C10orf53: variants seen among roughly 807,000 people sequenced by gnomAD.
C10orf53 encodes the protein UPF0728 protein C10orf53.
A neutral mutation model predicts 9.4 loss-of-function variants in C10orf53; 8 were observed. The observed-to-expected ratio is 0.85, with a 90% CI of 0.50 to 1.53. C10orf53 has a LOEUF of 1.53. C10orf53 is among the 40% of genes most tolerant of loss of function. The pLI is 0.00. For missense variants in C10orf53, 117 were observed against 117.8 expected (o/e 0.99, Z 0.03); for synonymous variants, 48 against 46.0 (o/e 1.04, Z -0.18).
chr10:49,708,301 C>G (rs1031072943), intron 2 of C10orf53: 10 of 1,587,892 alleles, frequency 6.3e-6, no homozygotes, highest in Middle Eastern at 2.1e-4. Context: ...CAGTCGACAA[C>G]AGCAGGACTC....
chr10:49,689,430 C>T (rs901677766), intron 1 of C10orf53, among the ~76,000 whole-genome samples: 1 of 152,078 alleles, frequency 6.6e-6, no homozygotes, highest in Non-Finnish European at 1.5e-5. Context: ...GTAAATTGAA[C>T]TGTCACCTTT....
At position 49,694,978 on chromosome 10, in the gene C10orf53, T is replaced by C; in HGVS notation, c.*376T>C. 1 of 998,656 alleles carries C rather than the reference T, an allele frequency of 1.0e-6. No homozygotes were observed. The highest frequency in any genetic ancestry group is 1.2e-6 in the Non-Finnish European group (1 of 835,404). The allele number at this position is 998,656 out of a possible 1,614,324, so 61.9% of individuals were successfully genotyped here. On this transcript the variant is annotated 3_prime_UTR_variant, in exon 3 of 3. Transcript: ENST00000374111. ...TTCCATTGTTTAGTACTCAAAGTGC[T>C]CAGAACAGGTGAAATTAAAGAGAGG...
At position 49,697,053 on chromosome 10, in the gene C10orf53, C is replaced by T. The variant is rs1189459956; in HGVS notation, c.*2451C>T. ...ACAAAAAATACAAAAATTAGCCAGGCCTGGTGGCATGCACCTGTAGTCCCA... is the reference window on the plus strand; with the variant it reads ...ACAAAAAATACAAAAATTAGCCAGGTCTGGTGGCATGCACCTGTAGTCCCA... On this transcript the variant is annotated 3_prime_UTR_variant, in exon 3 of 3. Coordinates refer to ENST00000374111, the MANE Select transcript of C10orf53 (RefSeq NM_001042427.3). Among the ~76,000 whole-genome samples, 1 of 152,094 alleles carries T rather than the reference C, an allele frequency of 6.6e-6. No individual in the cohort carries two copies. Among genetic ancestry groups the T allele is most frequent in the Non-Finnish European group, 1.5e-5 (1 of 68,026 alleles).
intron 1 of C10orf53, among the ~76,000 whole-genome samples, chr10:49,691,470 C>G (rs2132880865): frequency 6.6e-6 from 1 of 152,328 alleles, no homozygotes; most frequent in African/African-American, 2.4e-5. Context: ...TAATTCTGGT[C>G]AGTGAGGAAG....
intron 1 of C10orf53, among the ~76,000 whole-genome samples, chr10:49,680,790 G>T (rs2132872582): frequency 6.6e-6 from 1 of 152,274 alleles, no homozygotes; most frequent in Admixed American, 6.5e-5. Flanking sequence ...GAGGTGGGAG[G>T]TAAGGGTAAA....
chr10:49,690,823 G>T (rs778572891), intron 1 of C10orf53, among the ~76,000 whole-genome samples: 14 of 152,198 alleles, frequency 9.2e-5, no homozygotes, highest in Non-Finnish European at 1.9e-4. Context: ...CCTTGCGCGG[G>T]GGTGTGTGTA....
intron 1 of C10orf53, among the ~76,000 whole-genome samples, chr10:49,693,270 C>CA (rs1412163632): frequency 6.6e-6 from 1 of 152,140 alleles, no homozygotes; most frequent in Non-Finnish European, 1.5e-5. Context: ...CATCTTGTTG[C>CA]AAAAATCTGC....
At chr10:49,682,400 T>G (rs896164977) in intron 1 of C10orf53, among the ~76,000 whole-genome samples, 5 of 152,058 alleles carry the variant, frequency 3.3e-5, no homozygotes, top group Admixed American at 1.3e-4. Flanking sequence ...GGGCTCGTGG[T>G]CTCGCTGACT....
downstream of C10orf53, among the ~76,000 whole-genome samples, chr10:49,699,410 G>C (rs919840694): frequency 1.3e-5 from 2 of 151,752 alleles, no homozygotes; most frequent in African/African-American, 4.8e-5. Flanking sequence ...ACCCAGGCTG[G>C]TCTCGAATTC....
At chr10:49,686,755 C>T (rs897142086) in intron 1 of C10orf53, among the ~76,000 whole-genome samples, 2 of 152,200 alleles carry the variant, frequency 1.3e-5, no homozygotes, top group Admixed American at 6.5e-5. Flanking sequence ...TGTCTGCTCT[C>T]GAACCCTGTT....
At chr10:49,706,226 C>T (rs7099212) in intron 2 of C10orf53, among the ~76,000 whole-genome samples, 69,280 of 152,096 alleles carry the variant, frequency 0.46, 16,193 homozygotes, top group Middle Eastern at 0.51. Flanking sequence ...CCCAGCAATT[C>T]TATTCCTAGT....
rs569124577 is a variant in C10orf53 at position 49,705,127 on chromosome 10, G to A, written c.218-3234G>A. 4.6e-4 allele frequency among the ~76,000 whole-genome samples: 70 copies of A among 152,306 alleles called. 3 individuals carry two copies. The South Asian group carries it at 0.014, about 30-fold the overall frequency. ...GACTTTTGGAGTACTGTTATGGAAA[G>A]CTCTCTAAAATATATTGCTAAGGTC... On this transcript the variant is annotated intron_variant, in intron 2 of 2. Coordinates refer to the C10orf53 transcript ENST00000374112.
chr10:49,702,476 A>T (rs1011799096), downstream of C10orf53, among the ~76,000 whole-genome samples: 13 of 152,270 alleles, frequency 8.5e-5, no homozygotes, highest in African/African-American at 3.1e-4. Context: ...TCCAAATCTG[A>T]ATAGAGTGAA....
chr10:49,706,808 C>T (rs2132893706), intron 2 of C10orf53, among the ~76,000 whole-genome samples: 1 of 152,318 alleles, frequency 6.6e-6, no homozygotes, highest in African/African-American at 2.4e-5. Flanking sequence ...GGCACTGATG[C>T]AGTGTTTACA....
intron 2 of C10orf53, among the ~76,000 whole-genome samples, chr10:49,706,415 A>C (rs2078372309): frequency 1.3e-5 from 2 of 152,214 alleles, no homozygotes; most frequent in African/African-American, 4.8e-5. Flanking sequence ...AAAGGAATGA[A>C]GTTCTGATAT....
At chr10:49,694,044 TGGCACAC>T in intron 2 of C10orf53, 151 bp downstream of exon 2, 1 of 1,072,904 alleles carries the variant, frequency 9.3e-7, no homozygotes, top group Non-Finnish European at 1.4e-6. Flanking sequence ...GTGCTTTCAG[TGGCACAC>T]ACAGGAGAGT....
intron 1 of C10orf53, among the ~76,000 whole-genome samples, chr10:49,681,939 T>G (rs902659045): frequency 7.9e-5 from 12 of 152,200 alleles, no homozygotes; most frequent in Non-Finnish European, 1.8e-4. Flanking sequence ...CTAGCAGTGT[T>G]GCATGGTGAT....
At chr10:49,697,576 C>T (rs934703680), downstream of C10orf53, among the ~76,000 whole-genome samples, 2 of 152,130 alleles carry the variant, frequency 1.3e-5, no homozygotes, top group South Asian at 2.1e-4. Flanking sequence ...GTTTTTGAGA[C>T]AGTCTTGCTC....
intron 1 of C10orf53, among the ~76,000 whole-genome samples, chr10:49,680,354 A>T (rs932430371): frequency 2.0e-5 from 3 of 152,190 alleles, no homozygotes; most frequent in Non-Finnish European, 4.4e-5. Context: ...ACTAGCCATA[A>T]TGGGAGGGGA....
Sources: allele counts gnomAD v4.1 joint callset (sites outside exome capture counted in the v4.1 genomes callset), GRCh38; gene constraint gnomAD v4.1.1; transcripts MANE v1.5; gene names NCBI Gene and HGNC (gene_info 2026-07-23, HGNC 2026-07-21).